Variants in ADAD1 observed in about 807,000 individuals in gnomAD.
ADAD1 encodes adenosine deaminase domain containing 1.
Under a neutral mutation model 66.8 loss-of-function variants are expected in ADAD1, and 46 were observed. The ratio of observed to expected loss-of-function variants is 0.69; its 90% confidence interval spans 0.54 to 0.88. The LOEUF is 0.88. ADAD1 is among the 40% of genes least tolerant of loss of function. The pLI, the probability that ADAD1 is intolerant of heterozygous loss-of-function variation, is 0.00. For missense variants in ADAD1, 617 were observed against 681.8 expected (o/e 0.91, Z 1.06); for synonymous variants, 248 against 229.4 (o/e 1.08, Z -0.73).
At chr4:122,381,363 A>G (rs1420151201) in intron 4 of ADAD1, among the ~76,000 whole-genome samples, 183 bp downstream of exon 4, 1 of 152,238 alleles carries the variant, frequency 6.6e-6, no homozygotes, top group Non-Finnish European at 1.5e-5. Flanking sequence ...TAACTCACAT[A>G]TACCAAAGTT....
In ADAD1 at chr4:122,410,238, T is replaced by G. The variant is rs1449333264; in HGVS notation, c.849-984T>G. Among the ~76,000 whole-genome samples, 3 of 152,212 alleles carry G rather than the reference T, an allele frequency of 2.0e-5. No individual in the cohort carries two copies. In the East Asian group the frequency reaches 5.8e-4, roughly 29 times the overall value. The stretch of plus-strand genomic sequence containing the variant: ...AGACTATGAGGGTAATGCATCTCAT[T>G]GCCCTCCACCCCTCTTGGTGCTTAT... On this transcript the variant is annotated intron_variant, in intron 8 of 12. Coordinates refer to ENST00000296513, the MANE Select transcript of ADAD1 (RefSeq NM_139243.4).
intron 8 of ADAD1, among the ~76,000 whole-genome samples, chr4:122,409,294 A>G (rs906900012): frequency 2.6e-5 from 4 of 152,064 alleles, no homozygotes; most frequent in Non-Finnish European, 5.9e-5. Flanking sequence ...GCTACTTCTC[A>G]TAATATCCAC....
chr4:122,416,812 T>C (rs1346460834), intron 11 of ADAD1, among the ~76,000 whole-genome samples: 2 of 151,686 alleles, frequency 1.3e-5, no homozygotes, highest in Non-Finnish European at 2.9e-5. Flanking sequence ...ATAACACTGA[T>C]ATTTTAACTA....
At chr4:122,412,237 AT>A (rs1292455447) in intron 9 of ADAD1, among the ~76,000 whole-genome samples, 3 of 152,114 alleles carry the variant, frequency 2.0e-5, no homozygotes, top group Non-Finnish European at 4.4e-5. Context: ...TCATTCTTTC[AT>A]TTTGTAATTT....
intron 12 of ADAD1, among the ~76,000 whole-genome samples, chr4:122,425,998 T>C (rs1241835379): frequency 1.3e-5 from 2 of 151,810 alleles, no homozygotes; most frequent in Non-Finnish European, 2.9e-5. Context: ...AATAATGAAA[T>C]GTAATGAATC....
intron 11 of ADAD1, among the ~76,000 whole-genome samples, chr4:122,418,335 A>C (rs1221348191): frequency 1.7e-5 from 2 of 119,026 alleles, no homozygotes; most frequent in African/African-American, 6.0e-5. Context: ...TTTGAGACGG[A>C]GTCTTGCTCT....
intron 10 of ADAD1, among the ~76,000 whole-genome samples, chr4:122,413,117 G>C (rs1357799217): frequency 6.6e-6 from 1 of 152,024 alleles, no homozygotes; most frequent in Non-Finnish European, 1.5e-5. Flanking sequence ...AGAGACACAG[G>C]GAAATGAGGG....
Position 122,381,023 on chromosome 4 carries a change from TC to T in ADAD1, c.205del (p.Leu69PhefsTer19), listed in dbSNP as rs1422865483. 1 of 1,597,428 alleles carries T rather than the reference TC, an allele frequency of 6.3e-7. No individual in the cohort carries two copies. Among genetic ancestry groups the T allele is most frequent in the Non-Finnish European group, 8.5e-7 (1 of 1,176,556 alleles). ...TTCCAGAGCCGTTGCTTTCCAAGAATCTTTCATCTATTTCAAATCCTGTCCT... is the reference window on the plus strand; with the variant it reads ...TTCCAGAGCCGTTGCTTTCCAAGAATTTTCATCTATTTCAAATCCTGTCCT... ...NFPEPLLSKN[L>X]SSISNPVLPP... On this transcript the variant is annotated frameshift_variant, in exon 4 of 13. Coordinates refer to ENST00000296513, the MANE Select transcript of ADAD1 (RefSeq NM_139243.4). LOFTEE classifies it high-confidence loss of function.
chr4:122,422,121 C>CTTTTT (rs10713074), intron 12 of ADAD1, among the ~76,000 whole-genome samples: 2 of 113,856 alleles, frequency 1.8e-5, no homozygotes, highest in African/African-American at 3.8e-5. Flanking sequence ...CATGAACATC[C>CTTTTT]TTTTTTTTTT....
chr4:122,406,645 A>G (rs1056185452), intron 7 of ADAD1, among the ~76,000 whole-genome samples: 5 of 152,152 alleles, frequency 3.3e-5, no homozygotes, highest in Non-Finnish European at 5.9e-5. Context: ...TATACTATAT[A>G]ACACCTCTTT....
intron 12 of ADAD1, 29 bp from the exon 13 acceptor site, chr4:122,429,597 C>A: frequency 1.4e-6 from 2 of 1,459,856 alleles, no homozygotes; most frequent in Non-Finnish European, 1.9e-6. Context: ...TGCCTATTTT[C>A]TATAATTCAT....
chr4:122,409,908 C>G (rs1279179086), intron 8 of ADAD1, among the ~76,000 whole-genome samples: 3 of 152,114 alleles, frequency 2.0e-5, no homozygotes, highest in African/African-American at 7.2e-5. Flanking sequence ...TCTTGACCTC[C>G]TGACCTTGTG....
chr4:122,414,601 A>C (rs1405125290), intron 10 of ADAD1, among the ~76,000 whole-genome samples: 2 of 152,124 alleles, frequency 1.3e-5, no homozygotes, highest in Non-Finnish European at 2.9e-5. Context: ...TAACTATCTC[A>C]ACAATTTTAA....
chr4:122,385,125 A>C (rs1795102777), intron 5 of ADAD1, among the ~76,000 whole-genome samples: 1 of 152,124 alleles, frequency 6.6e-6, no homozygotes, highest in African/African-American at 2.4e-5. Flanking sequence ...CATTATTAAC[A>C]ATTTTTCTAG....
chr4:122,409,034 C>T (rs1796354597), intron 8 of ADAD1, among the ~76,000 whole-genome samples: 2 of 152,142 alleles, frequency 1.3e-5, no homozygotes, highest in Admixed American at 1.3e-4. Context: ...CCAAGGACAG[C>T]ACCAGAAACC....
intron 8 of ADAD1, among the ~76,000 whole-genome samples, chr4:122,409,927 C>A (rs373206751): frequency 6.6e-6 from 1 of 152,016 alleles, no homozygotes; most frequent in Non-Finnish European, 1.5e-5. Flanking sequence ...TGATCTGCCC[C>A]CCTCGGCCTC....
intron 8 of ADAD1, among the ~76,000 whole-genome samples, chr4:122,408,793 G>A (rs1236901474): frequency 6.6e-6 from 1 of 151,914 alleles, no homozygotes; most frequent in East Asian, 1.9e-4. Flanking sequence ...TGAGGTGGGA[G>A]GATTGATTGA....
At chr4:122,389,110 G>C (rs140414111) in intron 5 of ADAD1, among the ~76,000 whole-genome samples, 421 of 152,130 alleles carry the variant, frequency 2.8e-3, no homozygotes, top group Non-Finnish European at 4.5e-3. Flanking sequence ...TTTCTGCCTT[G>C]ATTTCATTAT....
At position 122,380,983 on chromosome 4, in the gene ADAD1, T is replaced by C; in HGVS notation, c.173-9T>C. On this transcript the variant is annotated splice_polypyrimidine_tract_variant and intron_variant, in intron 3 of 12. Coordinates refer to ENST00000296513, the MANE Select transcript of ADAD1 (RefSeq NM_139243.4). ...AAACCAAATTGACAAGTATAACATT[T>C]GTTTTTAGGTAATTTTCCAGAGCCG... The C allele has an allele frequency of 6.3e-7, 1 of 1,580,514 alleles. No individual in the cohort carries two copies. The highest frequency in any genetic ancestry group is 2.1e-5 in the Admixed American group (1 of 48,184).
Sources: allele counts gnomAD v4.1 joint callset (sites outside exome capture counted in the v4.1 genomes callset), GRCh38; gene constraint gnomAD v4.1.1; transcripts MANE v1.5; gene names NCBI Gene and HGNC (gene_info 2026-07-23, HGNC 2026-07-21).